The following SLC6A5 variants were observed in gnomAD, a reference collection of about 807,000 sequenced individuals.
SLC6A5 encodes the protein sodium- and chloride-dependent glycine transporter 2.
In SLC6A5, 58 loss-of-function variants were observed where a neutral mutation model predicts 90.5. The observed-to-expected ratio is 0.64, with a 90% CI of 0.52 to 0.80. The LOEUF (loss-of-function observed/expected upper bound fraction) is 0.80. SLC6A5 is among the 30% of genes least tolerant of loss of function. SLC6A5 has a pLI of 0.00. For missense variants in SLC6A5, 1,015 were observed against 1,017.6 expected (o/e 1.00, Z 0.03); for synonymous variants, 427 against 401.4 (o/e 1.06, Z -0.76).
chr11:20,607,417 C>G (rs1223556841), intron 4 of SLC6A5, 62 bp from the exon 5 acceptor site: 1 of 1,593,416 alleles, frequency 6.3e-7, no homozygotes, highest in Non-Finnish European at 8.6e-7. Context: ...ACCCTATGCC[C>G]AACTCTAAGA....
rs1349360435 is a variant in SLC6A5 at position 20,658,160 on chromosome 11, C to T, written c.*3292C>T. 1 of 152,052 alleles carries T rather than the reference C, an allele frequency of 6.6e-6. No individual in the cohort carries two copies. The highest frequency in any genetic ancestry group is 1.5e-5 in the Non-Finnish European group (1 of 67,994). The allele number at this position is 152,052 out of a possible 1,614,324, so 9.4% of individuals were successfully genotyped here. The stretch of plus-strand genomic sequence containing the variant: ...AGTTGAGTTTTCCTTTAATTAAGTT[C>T]TTGTTTCCTCATCTATGTGTCTCTC... On this transcript the variant is annotated 3_prime_UTR_variant, in exon 16 of 16. Transcript: ENST00000525748.
In SLC6A5 at chr11:20,637,207, A is replaced by G; in HGVS notation, c.1773A>G (p.Ser591=). ...TCGAGACCATAGTGACCTCCATCTC[A>G]GACGAGTTTCCCAAGTACCTACGCA... is the stretch of plus-strand genomic sequence containing the variant. ...ATIETIVTSI[S]DEFPKYLRTH... is the part of the protein sequence containing the mutation. Residue 591 remains serine, a synonymous_variant, in exon 12 of 16, where the codon TCA becomes TCG. Transcript: ENST00000525748. 1 of 1,613,868 alleles carries G rather than the reference A, an allele frequency of 6.2e-7. No individual in the cohort carries two copies. Among genetic ancestry groups the G allele is most frequent in the Non-Finnish European group, 8.5e-7 (1 of 1,179,898 alleles).
intron 3 of SLC6A5, among the ~76,000 whole-genome samples, chr11:20,606,549 A>T (rs1013892257): frequency 1.8e-4 from 27 of 152,084 alleles, no homozygotes; most frequent in Admixed American, 4.6e-4. Context: ...GTGTTCAGGT[A>T]ACTTACTGTA....
intron 7 of SLC6A5, among the ~76,000 whole-genome samples, chr11:20,619,429 C>T (rs1292342834): frequency 3.3e-5 from 5 of 152,148 alleles, no homozygotes. Context: ...GCAGGTTTGT[C>T]AGGGTTACCT....
At position 20,654,873 on chromosome 11, in the gene SLC6A5, G is replaced by C. The variant is rs1210118623; in HGVS notation, c.*5G>C. 6.2e-7 allele frequency: 1 copy of C among 1,614,104 alleles called. No homozygotes were observed. The highest frequency in any genetic ancestry group is 1.7e-5 in the Admixed American group (1 of 60,028). ...GAACTGGGCACTCAGTGCTAGTCCA[G>C]TGGTGTGGGATGGTCCAGACTTGAT... On this transcript the variant is annotated 3_prime_UTR_variant, in exon 16 of 16. Coordinates refer to ENST00000525748, the MANE Select transcript of SLC6A5 (RefSeq NM_004211.5).
At chr11:20,641,792 A>T (rs1256381448) in intron 13 of SLC6A5, among the ~76,000 whole-genome samples, 1 of 152,076 alleles carries the variant, frequency 6.6e-6, no homozygotes, top group African/African-American at 2.4e-5. Flanking sequence ...ATAATGTCCT[A>T]TAGTCATGGA....
chr11:20,654,746 T>C lies in SLC6A5; in HGVS notation c.2272T>C (p.Trp758Arg), dbSNP rs1260431978. The change falls in exon 16 of 16, where the codon TGG becomes CGG. Residue 758 changes from tryptophan (W) to arginine (R), a missense_variant. By Grantham distance (101) the Trp-to-Arg change is moderately radical. Transcript: ENST00000525748. ...LKLVCSPQPD[W>R]GPFLAQHRGE... ...GTTGGTGTGCTCGCCACAGCCGGAC[T>C]GGGGCCCATTCTTAGCTCAACACCG... 1 of 1,614,068 alleles carries C rather than the reference T, an allele frequency of 6.2e-7. No individual in the cohort carries two copies. The highest frequency in any genetic ancestry group is 8.5e-7 in the Non-Finnish European group (1 of 1,180,028).
Position 20,637,221 on chromosome 11 carries a change from A to G in SLC6A5, c.1787A>G (p.Lys596Arg). 1.2e-6 allele frequency: 2 copies of G among 1,613,594 alleles called. No individual in the cohort carries two copies. Among genetic ancestry groups the G allele is most frequent in the Non-Finnish European group, 1.7e-6 (2 of 1,179,822 alleles). ...ACCTCCATCTCAGACGAGTTTCCCAAGTACCTACGCACACACAAGCCAGTG... is the reference window on the plus strand; with the variant it reads ...ACCTCCATCTCAGACGAGTTTCCCAGGTACCTACGCACACACAAGCCAGTG... Reference protein sequence around the residue: ...IVTSISDEFPKYLRTHKPVFT... With the variant: ...IVTSISDEFPRYLRTHKPVFT... The change falls in exon 12 of 16, where the codon AAG becomes AGG. Residue 596 changes from lysine to arginine, a missense_variant. Physicochemically the swap from Lys to Arg is conservative, Grantham distance 26. Around this residue, in one of 3 missense-constraint regions of SLC6A5, gnomAD observed 442 missense variants for 494.3 expected, o/e 0.89. Transcript: ENST00000525748.
intron 7 of SLC6A5, among the ~76,000 whole-genome samples, chr11:20,621,804 T>C (rs1852894873): frequency 6.6e-6 from 1 of 152,246 alleles, no homozygotes; most frequent in Non-Finnish European, 1.5e-5. Context: ...GAGACAGGAC[T>C]GGCAGGTTGC....
At chr11:20,618,064 T>A (rs1478965928) in intron 7 of SLC6A5, among the ~76,000 whole-genome samples, 180 bp downstream of exon 7, 1 of 152,136 alleles carries the variant, frequency 6.6e-6, no homozygotes, top group Non-Finnish European at 1.5e-5. Context: ...AATAACACCT[T>A]TCTTGCAGGG....
At chr11:20,636,035 T>C (rs1311680808) in intron 10 of SLC6A5, among the ~76,000 whole-genome samples, 1 of 152,232 alleles carries the variant, frequency 6.6e-6, no homozygotes, top group Non-Finnish European at 1.5e-5. Context: ...TGGAGTCCAG[T>C]AGAGTTGCCT....
chr11:20,617,597 C>A (rs1265926383), intron 6 of SLC6A5, among the ~76,000 whole-genome samples, 155 bp from the exon 7 acceptor site: 1 of 152,170 alleles, frequency 6.6e-6, no homozygotes, highest in East Asian at 1.9e-4. Flanking sequence ...TTCCCCACAG[C>A]CTGATGTGAT....
At chr11:20,623,936 C>A (rs1852940907) in intron 7 of SLC6A5, among the ~76,000 whole-genome samples, 1 of 152,056 alleles carries the variant, frequency 6.6e-6, no homozygotes, top group South Asian at 2.1e-4. Flanking sequence ...ATATCACCTT[C>A]TAATATGCCA....
intron 14 of SLC6A5, among the ~76,000 whole-genome samples, chr11:20,649,941 T>C (rs752941844): frequency 1.3e-5 from 2 of 152,240 alleles, no homozygotes; most frequent in African/African-American, 2.4e-5. Context: ...CAGTTGTCTT[T>C]GGGCTCATGT....
chr11:20,647,107 A>G (rs1222361777), intron 14 of SLC6A5, among the ~76,000 whole-genome samples, 173 bp downstream of exon 14: 4 of 151,624 alleles, frequency 2.6e-5, no homozygotes, highest in African/African-American at 9.7e-5. Context: ...AGAGAGTTGA[A>G]AAGACTTGCC....
Position 20,612,636 on chromosome 11 carries a change from G to A in SLC6A5, c.986-2043G>A, listed in dbSNP as rs564542779. Among the ~76,000 whole-genome samples the A allele has an allele frequency of 2.0e-5, 3 of 152,294 alleles. No individual in the cohort carries two copies. The East Asian group carries it at 5.8e-4, about 29-fold the overall frequency. ...GGGCTTAAGCAATCCTCCTCCCTCA[G>A]CCTCCTGAGTAGTTAGGACTATAGA... On this transcript the variant is annotated intron_variant, in intron 5 of 15. Coordinates refer to ENST00000525748, the MANE Select transcript of SLC6A5 (RefSeq NM_004211.5).
intron 14 of SLC6A5, among the ~76,000 whole-genome samples, chr11:20,651,571 C>T (rs1037954773): frequency 1.3e-5 from 2 of 151,494 alleles, no homozygotes; most frequent in African/African-American, 4.8e-5. Flanking sequence ...CTGCGCCTGG[C>T]CTGGGTTTCT....
At chr11:20,647,136 C>T (rs955345436) in intron 14 of SLC6A5, among the ~76,000 whole-genome samples, 1 of 151,172 alleles carries the variant, frequency 6.6e-6, no homozygotes, top group African/African-American at 2.4e-5. Context: ...CCTAGCAGGT[C>T]AGGTGCAGAG....
chr11:20,604,415 A>G lies in SLC6A5; in HGVS notation c.670A>G (p.Asn224Asp). The change falls in exon 3 of 16, where the codon AAC becomes GAC. Residue 224 changes from asparagine (N) to aspartate (D), a missense_variant. Around this residue, in one of 3 missense-constraint regions of SLC6A5, gnomAD observed 567 missense variants for 507.3 expected, o/e 1.12. Transcript: ENST00000525748. ...VWRFPYLAFQ[N>D]GGGAFLIPYL... The stretch of plus-strand genomic sequence containing the variant: ...GAGGTTTCCCTACCTGGCCTTCCAG[A>G]ACGGGGGAGGTATGGCTTTTCCGCT... 1 of 1,613,806 alleles carries G rather than the reference A, an allele frequency of 6.2e-7. No homozygotes were observed.
Sources: gnomAD v4.1 joint callset for allele counts (sites outside exome capture counted in the v4.1 genomes callset) on GRCh38, gnomAD v4.1.1 for gene constraint, gnomAD v4.1.1 regional missense constraint, MANE v1.5 for transcripts, NCBI Gene and HGNC (gene_info 2026-07-23, HGNC 2026-07-21) for gene names.